The following PPP2R1B variants were observed in gnomAD, a reference collection of about 807,000 sequenced individuals.
PPP2R1B encodes protein phosphatase 2 scaffold subunit Abeta.
A neutral mutation model predicts 72.7 loss-of-function variants in PPP2R1B; 58 were observed. The ratio of observed to expected loss-of-function variants is 0.80; its 90% CI spans 0.65 to 0.99. The LOEUF is 0.99. Among genes scored for constraint, PPP2R1B ranks in the 50% least tolerant of loss-of-function variants. The pLI is 0.00. For synonymous variants in PPP2R1B, 256 were observed against 264.6 expected (o/e 0.97, Z 0.32); for missense variants, 695 against 733.6 (o/e 0.95, Z 0.61).
In PPP2R1B at chr11:111,753,423, G is replaced by A; in HGVS notation, c.1164+20C>T. Reference sequence around the variant, plus strand: ...AATCAAATTACTATCAAAGGCAACAGAACATAAAGCAAGACCCACCTCATC... The same window carrying A: ...AATCAAATTACTATCAAAGGCAACAAAACATAAAGCAAGACCCACCTCATC... On this transcript the variant is annotated intron_variant, in intron 9 of 14. Transcript: ENST00000527614. 1 of 1,604,330 alleles carries A rather than the reference G, an allele frequency of 6.2e-7. No individual in the cohort carries two copies. Among genetic ancestry groups the A allele is most frequent in the Non-Finnish European group, 8.5e-7 (1 of 1,177,262 alleles).
downstream of PPP2R1B, chr11:111,725,434 C>A (rs944222852): frequency 6.6e-6 from 1 of 152,502 alleles, no homozygotes; most frequent in Non-Finnish European, 1.5e-5. Flanking sequence ...CCAACACTTA[C>A]AATTCAGTCA....
At chr11:111,701,109 G>C in the PPP2R1B span, 1 of 1,438,124 alleles carries the variant, frequency 7.0e-7, no homozygotes, top group Non-Finnish European at 9.3e-7. The surrounding 1 kb of genome is among the most constrained non-coding windows in gnomAD (Gnocchi z 4.2). Context: ...CACATAAGCA[G>C]TATTTCATAT....
chr11:111,716,890 A>G, the PPP2R1B span, among the ~76,000 whole-genome samples: 5 of 152,206 alleles, frequency 3.3e-5, no homozygotes, highest in Non-Finnish European at 1.5e-5. Flanking sequence ...CCATCTGACA[A>G]AGGTCTAATA....
the PPP2R1B span, among the ~76,000 whole-genome samples, chr11:111,702,384 A>G: frequency 6.6e-6 from 1 of 152,192 alleles, no homozygotes; most frequent in Non-Finnish European, 1.5e-5. Context: ...CAGGAGTTGG[A>G]GACCAGCCTG....
intron 3 of PPP2R1B, among the ~76,000 whole-genome samples, chr11:111,761,725 G>A (rs539911863): frequency 2.0e-5 from 3 of 152,316 alleles, no homozygotes; most frequent in Admixed American, 1.3e-4. Context: ...TCGGGAGGCC[G>A]AGGTGGGCAG....
At chr11:111,696,890 C>A in the PPP2R1B span, among the ~76,000 whole-genome samples, 1 of 152,048 alleles carries the variant, frequency 6.6e-6, no homozygotes, top group Non-Finnish European at 1.5e-5. Context: ...ATTTCATTCC[C>A]CCCCTACTCA....
intron 15 of PPP2R1B, among the ~76,000 whole-genome samples, chr11:111,731,817 C>T (rs991318197): frequency 1.3e-5 from 2 of 152,216 alleles, no homozygotes; most frequent in Non-Finnish European, 2.9e-5. Context: ...TTCAGTATTG[C>T]TGAGTTTCAT....
intron 10 of PPP2R1B, among the ~76,000 whole-genome samples, chr11:111,749,441 C>T (rs150683605): frequency 2.0e-5 from 3 of 152,026 alleles, no homozygotes; most frequent in African/African-American, 7.2e-5. Flanking sequence ...CACCCACCAC[C>T]ACACCCGGCT....
chr11:111,717,873 T>C, the PPP2R1B span, among the ~76,000 whole-genome samples: 392 of 151,760 alleles, frequency 2.6e-3, 18 homozygotes, highest in East Asian at 0.068. Context: ...TAAGTAGGAG[T>C]TGAATGGACA....
At chr11:111,732,218 A>G (rs1489446315) in intron 15 of PPP2R1B, among the ~76,000 whole-genome samples, 1 of 152,202 alleles carries the variant, frequency 6.6e-6, no homozygotes, top group Admixed American at 6.5e-5. Context: ...ACTAGATCTT[A>G]AATCGAGGAC....
At chr11:111,755,475 T>G (rs782473257) in intron 5 of PPP2R1B, 25 bp from the exon 6 acceptor site, 2 of 1,584,446 alleles carry the variant, frequency 1.3e-6, no homozygotes, top group South Asian at 2.3e-5. Flanking sequence ...TTTCTGTAAT[T>G]CAGACATTTA....
rs1370531416 is a variant in PPP2R1B, at chr11:111,739,776, CTAAAAT to C, written c.*1814_*1819del. The C allele has an allele frequency of 9.3e-6, 9 of 971,400 alleles. No homozygotes were observed. The Admixed American group carries it at 3.1e-4, about 33-fold the overall frequency. 60.2% of individuals were successfully genotyped at this position (971,400 alleles called of 1,614,324 possible). A position where few individuals can be genotyped will look rare whatever the true frequency, so the allele number is the denominator to read the frequency against. Reference sequence around the variant, plus strand: ...TAACAAAAAATAAAGACTCATGAAACTAAAATTAAAATGTTTACAGAATAATAGCAT... The same window carrying C: ...TAACAAAAAATAAAGACTCATGAAACTAAAATGTTTACAGAATAATAGCAT... On this transcript the variant is annotated 3_prime_UTR_variant, in exon 15 of 15. Transcript: ENST00000527614.
At chr11:111,733,550 C>T (rs893049941), downstream of PPP2R1B, among the ~76,000 whole-genome samples, 7 of 152,120 alleles carry the variant, frequency 4.6e-5, no homozygotes, top group Non-Finnish European at 7.4e-5. Flanking sequence ...TGAAATGCCC[C>T]GAGTGGGGCT....
At chr11:111,694,399 G>A in the PPP2R1B span, among the ~76,000 whole-genome samples, 8 of 152,172 alleles carry the variant, frequency 5.3e-5, no homozygotes, top group African/African-American at 1.9e-4. Context: ...AATCTGACCT[G>A]TACATCACGA....
intron 6 of PPP2R1B, 98 bp from the exon 7 acceptor site, chr11:111,755,192 A>C: frequency 6.5e-7 from 1 of 1,532,408 alleles, no homozygotes; most frequent in Middle Eastern, 1.7e-4. Flanking sequence ...TTTTTGCCAC[A>C]GCACTTCCCA....
the PPP2R1B span, among the ~76,000 whole-genome samples, chr11:111,696,730 A>G: frequency 5.3e-5 from 8 of 152,208 alleles, no homozygotes; most frequent in Non-Finnish European, 1.2e-4. Context: ...GTGTTGTTGC[A>G]AGACTTCTGT....
intron 3 of PPP2R1B, among the ~76,000 whole-genome samples, chr11:111,762,470 G>A (rs1945361620): frequency 6.6e-6 from 1 of 151,738 alleles, no homozygotes; most frequent in Admixed American, 6.6e-5. Flanking sequence ...AATTGCTTAT[G>A]AGTGGTCTCT....
chr11:111,695,730 A>G, the PPP2R1B span, among the ~76,000 whole-genome samples: 1 of 152,182 alleles, frequency 6.6e-6, no homozygotes, highest in Non-Finnish European at 1.5e-5. Context: ...TATACATGTT[A>G]GTATTTGATT....
At chr11:111,728,227 C>T (rs1019365070) in intron 15 of PPP2R1B, 12 of 151,988 alleles carry the variant, frequency 7.9e-5, no homozygotes, top group Non-Finnish European at 1.0e-4. Flanking sequence ...CAGGGAAGCT[C>T]GTAAGTTGGA....
Sources: gnomAD v4.1 joint callset for allele counts (sites outside exome capture counted in the v4.1 genomes callset) on GRCh38, gnomAD v4.1.1 for gene constraint, Gnocchi (gnomAD v3.1) non-coding constraint, MANE v1.5 for transcripts, NCBI Gene and HGNC (gene_info 2026-07-23, HGNC 2026-07-21) for gene names.